EDEM2: variants seen among roughly 807,000 people sequenced by gnomAD.
EDEM2 encodes ER degradation enhancing alpha-mannosidase like protein 2, also known as ER degradation-enhancing alpha-mannosidase-like protein 2.
In EDEM2, 39 loss-of-function variants were observed where a neutral mutation model predicts 64.8. The observed-to-expected ratio is 0.60, with a 90% CI of 0.47 to 0.79. The LOEUF is 0.79. EDEM2 is among the 30% of genes least tolerant of loss of function. The pLI is 0.00. For synonymous variants in EDEM2, 296 were observed against 291.5 expected (o/e 1.02, Z -0.16); for missense variants, 609 against 731.3 (o/e 0.83, Z 1.93).
At chr20:35,126,991 T>C (rs568960279) in intron 7 of EDEM2, among the ~76,000 whole-genome samples, 41 of 152,276 alleles carry the variant, frequency 2.7e-4, no homozygotes, top group Admixed American at 1.7e-3. Context: ...GTAGCTCCCA[T>C]ATTTCTCACG....
intron 9 of EDEM2, among the ~76,000 whole-genome samples, chr20:35,121,704 G>T (rs1032886038): frequency 4.2e-4 from 64 of 152,210 alleles, no homozygotes; most frequent in Non-Finnish European, 7.6e-4. Context: ...CCAATTTAGT[G>T]AAAGAGTAGT....
chr20:35,133,496 C>T (rs1383982329), intron 6 of EDEM2, among the ~76,000 whole-genome samples: 12 of 148,884 alleles, frequency 8.1e-5, no homozygotes, highest in Non-Finnish European at 1.3e-4. Flanking sequence ...GATGGAGTTT[C>T]GCTCTTGTTG....
intron 6 of EDEM2, among the ~76,000 whole-genome samples, chr20:35,132,933 T>C (rs1363258075): frequency 6.6e-6 from 1 of 152,190 alleles, no homozygotes; most frequent in East Asian, 1.9e-4. Flanking sequence ...CGTTGGTTTG[T>C]GTCCCCCCAG....
chr20:35,126,128 A>C, intron 8 of EDEM2, 123 bp downstream of exon 8: 1 of 1,306,102 alleles, frequency 7.7e-7, no homozygotes, highest in South Asian at 1.5e-5. Context: ...TTCCATCCTC[A>C]ACCTGTCCCT....
At chr20:35,125,080 T>C (rs2085413862) in intron 8 of EDEM2, among the ~76,000 whole-genome samples, 1 of 152,230 alleles carries the variant, frequency 6.6e-6, no homozygotes, top group Non-Finnish European at 1.5e-5. Flanking sequence ...TGGCACTTCC[T>C]AAACAAAATT....
intron 10 of EDEM2, among the ~76,000 whole-genome samples, chr20:35,116,910 C>A (rs904143068): frequency 6.6e-6 from 1 of 152,098 alleles, no homozygotes; most frequent in African/African-American, 2.4e-5. Flanking sequence ...CTGCCTCAGC[C>A]TCCAGAGTAG....
chr20:35,143,900 T>C (rs1274879466), intron 3 of EDEM2, among the ~76,000 whole-genome samples: 1 of 150,838 alleles, frequency 6.6e-6, no homozygotes, highest in Non-Finnish European at 1.5e-5. Flanking sequence ...GCATCAGGTT[T>C]CTTTTATATC....
At position 35,146,383 on chromosome 20, in the gene EDEM2, G is replaced by A. The variant is rs569492720; in HGVS notation, c.218+442C>T. 3.2e-4 allele frequency among the ~76,000 whole-genome samples: 49 copies of A among 152,286 alleles called. 1 individual carries two copies. The highest frequency in any genetic ancestry group is 1.2e-3 in the African/African-American group (49 of 41,550). ...ATCTGAATGACAAGCAGCAGCCAGT[G>A]ATGGGAGGAAAATGGGGAGTGTATT... On this transcript the variant is annotated intron_variant, in intron 2 of 10. Transcript: ENST00000374492.
intron 7 of EDEM2, among the ~76,000 whole-genome samples, chr20:35,126,783 A>G (rs111848769): frequency 0.044 from 6,711 of 152,178 alleles, 245 homozygotes; most frequent in Middle Eastern, 0.099. Context: ...GTGGTGGTGC[A>G]TGCCTGTAAT....
intron 9 of EDEM2, among the ~76,000 whole-genome samples, chr20:35,122,715 G>T (rs1487299949): frequency 6.6e-6 from 1 of 152,200 alleles, no homozygotes; most frequent in Admixed American, 6.5e-5. Flanking sequence ...ACAAATGCAT[G>T]AGAAACATCA....
Position 35,115,381 on chromosome 20 carries a change from A to G in EDEM2, c.*52T>C, listed in dbSNP as rs1257249738. 6.4e-7 allele frequency: 1 copy of G among 1,551,966 alleles called. No individual in the cohort carries two copies. Among genetic ancestry groups the G allele is most frequent in the Non-Finnish European group, 8.7e-7 (1 of 1,152,716 alleles). On this transcript the variant is annotated 3_prime_UTR_variant, in exon 11 of 11. Transcript: ENST00000374492. ...AACCAAAATATGATAGCCAAAAGCA[A>G]TTTATTATAGTTTAGCCTCAAAAAA...
chr20:35,119,131 A>C (rs1443001917), intron 9 of EDEM2, among the ~76,000 whole-genome samples: 1 of 152,246 alleles, frequency 6.6e-6, no homozygotes, highest in Non-Finnish European at 1.5e-5. Context: ...GGCGAGCCAT[A>C]TAAGCCCAGA....
At chr20:35,136,601 A>G (rs2085578946) in intron 5 of EDEM2, among the ~76,000 whole-genome samples, 1 of 151,970 alleles carries the variant, frequency 6.6e-6, no homozygotes, top group South Asian at 2.1e-4. Flanking sequence ...TACAAAAAAA[A>G]ATTTAGCCAT....
rs2085667361 is a variant in EDEM2 at position 35,142,376 on chromosome 20, G to A, written c.361C>T (p.Arg121Ter). Residue 121 changes from arginine to a stop codon, truncating the protein, a stop_gained, in exon 4 of 11, where the codon CGA (arginine) becomes TGA (stop). Transcript: ENST00000374492. LOFTEE classifies it high-confidence loss of function. ...VNASVFETNI[R>*]VVGGLLSAHL... Reference sequence around the variant, plus strand: ...GGTCCTAGAGAGCAGCCCTTACCTCGAATGTTTGTTTCAAACACAGAGGCG... The same window carrying A: ...GGTCCTAGAGAGCAGCCCTTACCTCAAATGTTTGTTTCAAACACAGAGGCG... 10 of 1,612,102 alleles carry A rather than the reference G, an allele frequency of 6.2e-6. No individual in the cohort carries two copies. The highest frequency in any genetic ancestry group is 8.5e-6 in the Non-Finnish European group (10 of 1,178,496).
chr20:35,140,320 C>T (rs906929901), intron 4 of EDEM2, among the ~76,000 whole-genome samples: 4 of 152,134 alleles, frequency 2.6e-5, no homozygotes, highest in African/African-American at 2.4e-5. Context: ...ACCATCTCTA[C>T]TAAAAATACA....
chr20:35,133,248 C>A (rs1021841034), intron 6 of EDEM2, among the ~76,000 whole-genome samples: 7 of 152,008 alleles, frequency 4.6e-5, no homozygotes, highest in Non-Finnish European at 1.5e-5. Flanking sequence ...ATCCTGGTAC[C>A]CTCAGCCAAA....
intron 8 of EDEM2, among the ~76,000 whole-genome samples, chr20:35,125,201 CTTTTTT>C (rs11468187): frequency 7.8e-6 from 1 of 128,000 alleles, no homozygotes; most frequent in Non-Finnish European, 1.6e-5. Context: ...CCGGTGGCCA[CTTTTTT>C]TTTTTTTTTT....
chr20:35,133,727 A>T (rs1306986716), intron 6 of EDEM2, among the ~76,000 whole-genome samples: 2 of 152,130 alleles, frequency 1.3e-5, no homozygotes. Context: ...TCAGTCTCCC[A>T]AAGTGCTGGA....
intron 3 of EDEM2, among the ~76,000 whole-genome samples, chr20:35,143,653 TC>T (rs2085688208): frequency 6.6e-6 from 1 of 152,320 alleles, no homozygotes; most frequent in East Asian, 1.9e-4. Flanking sequence ...CGGCAGTCAC[TC>T]CTGTGGTTTG....
Sources: allele counts gnomAD v4.1 joint callset (sites outside exome capture counted in the v4.1 genomes callset), GRCh38; gene constraint gnomAD v4.1.1; transcripts MANE v1.5; gene names NCBI Gene and HGNC (gene_info 2026-07-23, HGNC 2026-07-21).